KCNIP4: variants seen among roughly 807,000 people sequenced by gnomAD.
KCNIP4 encodes the protein potassium voltage-gated channel interacting protein 4, also known as Kv channel-interacting protein 4.
Under a neutral mutation model 34.0 loss-of-function variants are expected in KCNIP4, and 12 were observed. That is an observed-to-expected ratio of 0.35 (90% CI 0.23 to 0.57). The LOEUF (loss-of-function observed/expected upper bound fraction) is 0.57, where lower values mean the gene tolerates loss of function less well. KCNIP4 is among the 20% of genes least tolerant of loss of function. The probability of loss-of-function intolerance (pLI) is 0.83; values close to 1 mark genes in which losing one functional copy is unlikely to be tolerated. For missense variants in KCNIP4, 238 were observed against 311.7 expected (o/e 0.76, Z 1.78); for synonymous variants, 124 against 102.2 (o/e 1.21, Z -1.29).
At chr4:21,417,707 C>A (rs1036696231) in intron 1 of KCNIP4, among the ~76,000 whole-genome samples, 1 of 152,084 alleles carries the variant, frequency 6.6e-6, no homozygotes, top group East Asian at 1.9e-4. Context: ...AAGTAGTCCT[C>A]GGATTTTTCT....
At chr4:21,003,649 A>T (rs893393227) in intron 1 of KCNIP4, among the ~76,000 whole-genome samples, 1 of 152,226 alleles carries the variant, frequency 6.6e-6, no homozygotes, top group Non-Finnish European at 1.5e-5. Flanking sequence ...ATTTAAGGTC[A>T]CATGGCTGGT....
chr4:21,213,504 G>A (rs1177786470), intron 1 of KCNIP4, among the ~76,000 whole-genome samples: 2 of 152,030 alleles, frequency 1.3e-5, no homozygotes, highest in Non-Finnish European at 2.9e-5. Context: ...GTTTCACCAA[G>A]TTGGCCAGGC....
In KCNIP4 at chr4:20,957,558, A is replaced by G. The variant is rs138178931; in HGVS notation, c.62-74849T>C. Reference sequence around the variant, plus strand: ...CCAGGTTTGCTTGGCTTCAAAGCCTATGTCCTGCTGCTAATCTGTAGCCTT... The same window carrying G: ...CCAGGTTTGCTTGGCTTCAAAGCCTGTGTCCTGCTGCTAATCTGTAGCCTT... On this transcript the variant is annotated intron_variant, in intron 1 of 8. Coordinates refer to ENST00000382152, the MANE Select transcript of KCNIP4 (RefSeq NM_025221.6). Among the ~76,000 whole-genome samples, 264 of 148,764 alleles carry G rather than the reference A, an allele frequency of 1.8e-3. 1 individual carries two copies. Among genetic ancestry groups the G allele is most frequent in the Admixed American group, 3.8e-3 (55 of 14,530 alleles).
intron 1 of KCNIP4, among the ~76,000 whole-genome samples, chr4:20,994,916 G>A (rs989950342): frequency 9.2e-5 from 14 of 152,074 alleles, no homozygotes; most frequent in Admixed American, 7.9e-4. Flanking sequence ...GGAAATGGGG[G>A]GCTTTATCCT....
In KCNIP4 at chr4:21,610,351, C is replaced by G. The variant is rs78494532; in HGVS notation, c.61+338220G>C. Among the ~76,000 whole-genome samples, 380 of 152,334 alleles carry G rather than the reference C, an allele frequency of 2.5e-3. 4 individuals are homozygous for G. In the East Asian group the frequency reaches 0.049, roughly 20 times the overall value. On this transcript the variant is annotated intron_variant, in intron 1 of 8. Transcript: ENST00000382152. ...GGCTAATCTTCACCCTTTGTCTTCACATTGTCTTCCTTCTTTACATGTCTG... is the reference window on the plus strand; with the variant it reads ...GGCTAATCTTCACCCTTTGTCTTCAGATTGTCTTCCTTCTTTACATGTCTG...
At chr4:21,712,057 C>G (rs1713771752) in intron 1 of KCNIP4, among the ~76,000 whole-genome samples, 1 of 152,112 alleles carries the variant, frequency 6.6e-6, no homozygotes, top group Non-Finnish European at 1.5e-5. Flanking sequence ...TCTGCCTTCC[C>G]TACAGTCCAA....
chr4:20,959,730 A>G (rs1402659137), intron 1 of KCNIP4, among the ~76,000 whole-genome samples: 1 of 152,152 alleles, frequency 6.6e-6, no homozygotes, highest in East Asian at 1.9e-4. Flanking sequence ...TGAACCCTTC[A>G]ACACAGAAAC....
intron 1 of KCNIP4, among the ~76,000 whole-genome samples, chr4:21,220,553 TATA>T (rs1204969782): frequency 6.6e-6 from 1 of 151,880 alleles, no homozygotes; most frequent in Non-Finnish European, 1.5e-5. Context: ...AAACTTAAAG[TATA>T]ATAATAAATA....
intron 1 of KCNIP4, among the ~76,000 whole-genome samples, chr4:21,821,060 A>T (rs539690902): frequency 2.6e-4 from 39 of 152,152 alleles, no homozygotes; most frequent in Non-Finnish European, 3.5e-4. Context: ...AGACAGTTTT[A>T]ATTTACATCT....
intron 1 of KCNIP4, among the ~76,000 whole-genome samples, chr4:21,833,276 T>C (rs7437721): frequency 0.47 from 71,369 of 150,622 alleles, 17,780 homozygotes; most frequent in East Asian, 0.64. Flanking sequence ...TTTTAATGAT[T>C]GCCATTCTAA....
chr4:20,903,371 A>G (rs979622428), intron 1 of KCNIP4, among the ~76,000 whole-genome samples: 1 of 152,164 alleles, frequency 6.6e-6, no homozygotes, highest in Non-Finnish European at 1.5e-5. Context: ...TTTAAGCATG[A>G]GACATCAATC....
intron 1 of KCNIP4, among the ~76,000 whole-genome samples, chr4:21,860,287 C>G (rs549120727): frequency 6.6e-6 from 1 of 152,174 alleles, no homozygotes; most frequent in African/African-American, 2.4e-5. Context: ...GCATGTGCCA[C>G]CACACCCGGC....
At chr4:21,275,822 G>A (rs1762402984) in intron 1 of KCNIP4, among the ~76,000 whole-genome samples, 1 of 152,080 alleles carries the variant, frequency 6.6e-6, no homozygotes. Context: ...CATGCATGAG[G>A]GTCAAGCAGT....
At chr4:20,944,506 G>A (rs1302504965) in intron 1 of KCNIP4, among the ~76,000 whole-genome samples, 1 of 152,212 alleles carries the variant, frequency 6.6e-6, no homozygotes, top group Admixed American at 6.5e-5. Flanking sequence ...CACACATGAT[G>A]AAAAACTAAA....
intron 1 of KCNIP4, among the ~76,000 whole-genome samples, chr4:21,396,848 C>T (rs1723054087): frequency 6.6e-6 from 1 of 152,076 alleles, no homozygotes; most frequent in South Asian, 2.1e-4. Context: ...TTAGAGATTC[C>T]AGAAGGAGCC....
chr4:21,446,327 A>G (rs1191669761), intron 1 of KCNIP4, among the ~76,000 whole-genome samples: 1 of 152,086 alleles, frequency 6.6e-6, no homozygotes, highest in East Asian at 1.9e-4. Flanking sequence ...TTGCACACAT[A>G]TGTTTATTGC....
intron 3 of KCNIP4, among the ~76,000 whole-genome samples, chr4:20,770,242 C>A (rs576283658): frequency 6.6e-6 from 1 of 152,016 alleles, no homozygotes; most frequent in African/African-American, 2.4e-5. Context: ...TAGTTTAATG[C>A]GATTTGAAAA....
intron 8 of KCNIP4, among the ~76,000 whole-genome samples, chr4:20,730,472 G>A (rs1253976777): frequency 6.6e-6 from 1 of 151,802 alleles, no homozygotes; most frequent in Non-Finnish European, 1.5e-5. Context: ...GAGAATTTTG[G>A]CATTCTATGT....
intron 1 of KCNIP4, among the ~76,000 whole-genome samples, chr4:21,679,552 G>A (rs1750180293): frequency 6.6e-6 from 1 of 152,124 alleles, no homozygotes; most frequent in Admixed American, 6.5e-5. Flanking sequence ...ACAATGCTAA[G>A]AATGTATCTC....
Sources: allele counts gnomAD v4.1 joint callset (sites outside exome capture counted in the v4.1 genomes callset), GRCh38; gene constraint gnomAD v4.1.1; transcripts MANE v1.5; gene names NCBI Gene and HGNC (gene_info 2026-07-23, HGNC 2026-07-21).